The following WWOX variants were observed in gnomAD, a reference collection of about 807,000 sequenced individuals.
WWOX encodes the protein WW domain-containing oxidoreductase.
A neutral mutation model predicts 46.2 loss-of-function variants in WWOX; 69 were observed. The observed-to-expected ratio is 1.49, with a 90% confidence interval of 1.23 to 1.82. The LOEUF (loss-of-function observed/expected upper bound fraction) is 1.82. Among genes scored for constraint, WWOX ranks in the 40% most tolerant of loss-of-function variants. The pLI is 0.00. For synonymous variants in WWOX, 359 were observed against 202.6 expected, an observed-to-expected ratio of 1.77 and a Z score of -6.56; for missense variants, 919 against 542.6, an observed-to-expected ratio of 1.69 and a Z score of -6.89.
intron 8 of WWOX, among the ~76,000 whole-genome samples, chr16:78,850,423 C>T (rs546017360): frequency 2.4e-4 from 37 of 152,274 alleles, no homozygotes; most frequent in African/African-American, 8.4e-4. Context: ...TGTCAAATAT[C>T]AGCTAGATAA....
intron 8 of WWOX, among the ~76,000 whole-genome samples, chr16:78,750,725 G>A (rs149087251): frequency 1.3e-5 from 2 of 152,086 alleles, no homozygotes; most frequent in Admixed American, 6.6e-5. Context: ...GCTTCGACTT[G>A]TAAGTAAGAA....
rs2048350421 is a variant in WWOX, at chr16:78,707,532, C to G, written c.1056+274780C>G. Among the ~76,000 whole-genome samples, 4 of 152,254 alleles carry G rather than the reference C, an allele frequency of 2.6e-5. 1 individual carries two copies. In the South Asian group the frequency reaches 8.3e-4, roughly 32 times the overall value. ...TCTGTGCATCTGAGCTCTCTCTTGC[C>G]ATATCAGGAACCGAAGTCAGAAATA... On this transcript the variant is annotated intron_variant, in intron 8 of 8. Coordinates refer to ENST00000566780, the MANE Select transcript of WWOX (RefSeq NM_016373.4).
chr16:79,112,257 A>G (rs1329524367), intron 8 of WWOX, among the ~76,000 whole-genome samples: 1 of 152,200 alleles, frequency 6.6e-6, no homozygotes, highest in Admixed American at 6.5e-5. Flanking sequence ...AGGGCTGTCC[A>G]CTTGACGGAC....
At chr16:78,925,891 C>G (rs752346703) in intron 8 of WWOX, among the ~76,000 whole-genome samples, 37 of 152,140 alleles carry the variant, frequency 2.4e-4, no homozygotes, top group Non-Finnish European at 7.3e-5. Flanking sequence ...CCCACCCTTG[C>G]CTCCCTTCAG....
At chr16:78,495,536 T>G in intron 8 of WWOX, among the ~76,000 whole-genome samples, 1 of 147,130 alleles carries the variant, frequency 6.8e-6, no homozygotes, top group Non-Finnish European at 1.5e-5. Context: ...GGAGATGGAG[T>G]CTCACTTTGT....
intron 8 of WWOX, among the ~76,000 whole-genome samples, chr16:79,064,358 T>C (rs1226840174): frequency 6.6e-6 from 1 of 152,240 alleles, no homozygotes; most frequent in Non-Finnish European, 1.5e-5. Context: ...TAAGTTTCAG[T>C]TTCCTTATCT....
intron 6 of WWOX, among the ~76,000 whole-genome samples, chr16:78,395,442 C>T (rs1373830330): frequency 2.0e-5 from 3 of 152,108 alleles, no homozygotes; most frequent in African/African-American, 2.4e-5. Flanking sequence ...TCACTTGAGC[C>T]AGCATGGTGG....
intron 8 of WWOX, among the ~76,000 whole-genome samples, chr16:78,911,635 A>G (rs969150080): frequency 1.3e-5 from 2 of 152,114 alleles, no homozygotes; most frequent in African/African-American, 2.4e-5. Flanking sequence ...GGAAGCTGAG[A>G]CAGGCAGATC....
In WWOX at chr16:78,758,206, A is replaced by G. The variant is rs186273684; in HGVS notation, c.1056+325454A>G. ...TATGATTTGCCACATATAGATGAAG[A>G]TAAACCTATATACAAAGAAAATAGA... On this transcript the variant is annotated intron_variant, in intron 8 of 8. Transcript: ENST00000566780. Among the ~76,000 whole-genome samples the G allele has an allele frequency of 1.0e-3, 157 of 152,344 alleles. 1 individual carries two copies. The highest frequency in any genetic ancestry group is 3.6e-3 in the African/African-American group (149 of 41,564).
At chr16:78,972,129 A>G (rs1043755722) in intron 8 of WWOX, among the ~76,000 whole-genome samples, 1 of 152,168 alleles carries the variant, frequency 6.6e-6, no homozygotes, top group Non-Finnish European at 1.5e-5. Flanking sequence ...CCTGCATTGG[A>G]GGAGGAAGCT....
intron 8 of WWOX, among the ~76,000 whole-genome samples, chr16:78,877,014 G>T (rs1435989412): frequency 6.6e-6 from 1 of 152,086 alleles, no homozygotes. Context: ...TATTTCTGCT[G>T]GTTCGAAGAG....
At chr16:78,567,001 C>G (rs1157909560) in intron 8 of WWOX, among the ~76,000 whole-genome samples, 1 of 152,154 alleles carries the variant, frequency 6.6e-6, no homozygotes, top group Admixed American at 6.5e-5. Context: ...CATGTGTGTG[C>G]TTTCTATGTG....
chr16:78,925,557 A>G (rs183063242), intron 8 of WWOX, among the ~76,000 whole-genome samples: 23 of 152,282 alleles, frequency 1.5e-4, no homozygotes, highest in African/African-American at 3.8e-4. Flanking sequence ...CTAGGGAGCT[A>G]TTGCTGTAAA....
At chr16:78,658,453 T>C (rs541728277) in intron 8 of WWOX, among the ~76,000 whole-genome samples, 2 of 152,284 alleles carry the variant, frequency 1.3e-5, no homozygotes, top group East Asian at 3.9e-4. Flanking sequence ...TGCCATAGAC[T>C]AGATAGCTTG....
At chr16:78,318,834 T>C (rs1009447889) in intron 5 of WWOX, among the ~76,000 whole-genome samples, 19 of 152,158 alleles carry the variant, frequency 1.2e-4, no homozygotes, top group Admixed American at 1.2e-3. Flanking sequence ...CTTATATAAC[T>C]ACAGTACAGG....
intron 8 of WWOX, among the ~76,000 whole-genome samples, chr16:78,474,349 T>C (rs2084305652): frequency 6.6e-6 from 1 of 152,354 alleles, no homozygotes; most frequent in Admixed American, 6.5e-5. Context: ...GCCAATAGCT[T>C]ATGTTTGCAC....
At chr16:78,147,718 ATTAGAAAGGTAGCACATTGTCCACAT>A (rs1394687511) in intron 4 of WWOX, among the ~76,000 whole-genome samples, 2 of 127,726 alleles carry the variant, frequency 1.6e-5, no homozygotes, top group Non-Finnish European at 3.2e-5. Flanking sequence ...AGGTGCTTGA[ATTAGAAAGGTAGCACATTGTCCACAT>A]GGACAGTGCA....
chr16:78,553,943 C>T (rs976157690), intron 8 of WWOX, among the ~76,000 whole-genome samples: 23 of 151,874 alleles, frequency 1.5e-4, no homozygotes, highest in African/African-American at 4.6e-4. Flanking sequence ...GTAGAAAGGT[C>T]GGGTGTCATA....
In WWOX at chr16:79,019,377, A is replaced by G. The variant is rs149503246; in HGVS notation, c.1057-192231A>G. 1.2e-4 allele frequency among the ~76,000 whole-genome samples: 19 copies of G among 152,168 alleles called. No individual in the cohort carries two copies. The East Asian group carries it at 3.5e-3, about 28-fold the overall frequency. ...TGGTCTAGCCTCTTGGTCTTAGCCT[A>G]CAAAGCTATGCAACGTGTGATTGGG... On this transcript the variant is annotated intron_variant, in intron 8 of 8. Transcript: ENST00000566780.
Sources: allele counts gnomAD v4.1 joint callset (sites outside exome capture counted in the v4.1 genomes callset), GRCh38; gene constraint gnomAD v4.1.1; transcripts MANE v1.5; gene names NCBI Gene and HGNC (gene_info 2026-07-23, HGNC 2026-07-21).